CNBD1: variants seen among roughly 807,000 people sequenced by gnomAD.
The protein encoded by CNBD1 is cyclic nucleotide binding domain containing 1, also known as cyclic nucleotide-binding domain-containing protein 1.
A neutral mutation model predicts 54.4 loss-of-function variants in CNBD1; 71 were observed. That is an observed-to-expected ratio of 1.30 (90% CI 1.08 to 1.59). The LOEUF (loss-of-function observed/expected upper bound fraction) is 1.59, where lower values mean the gene tolerates loss of function less well. Ranked by LOEUF, CNBD1 falls within the 40% of genes most tolerant of loss-of-function variation. The pLI is 0.00. For missense variants in CNBD1, 659 were observed against 518.0 expected (o/e 1.27, Z -2.64); for synonymous variants, 182 against 170.7 (o/e 1.07, Z -0.51).
At chr8:87,211,625 C>T (rs1175989195) in intron 5 of CNBD1, among the ~76,000 whole-genome samples, 1 of 152,158 alleles carries the variant, frequency 6.6e-6, no homozygotes, top group South Asian at 2.1e-4. Context: ...CTTATTCTCT[C>T]TCCTGCTCCT....
chr8:87,068,314 T>C (rs1201690432), intron 4 of CNBD1, among the ~76,000 whole-genome samples: 2 of 152,076 alleles, frequency 1.3e-5, no homozygotes, highest in Admixed American at 1.3e-4. Flanking sequence ...TTAGGTAATA[T>C]ATAATTACAA....
chr8:87,075,766 A>C (rs539346487), intron 4 of CNBD1, among the ~76,000 whole-genome samples: 2 of 152,206 alleles, frequency 1.3e-5, no homozygotes, highest in Admixed American at 6.5e-5. Context: ...TAAAATGTAC[A>C]TGGGTGTTTG....
intron 4 of CNBD1, among the ~76,000 whole-genome samples, chr8:87,026,644 ATTTTC>A (rs1370271888): frequency 2.6e-5 from 4 of 152,244 alleles, no homozygotes; most frequent in African/African-American, 4.8e-5. Context: ...CTCTAAAAAA[ATTTTC>A]TTTTCTTTAT....
At chr8:87,044,297 C>T (rs138177728) in intron 4 of CNBD1, among the ~76,000 whole-genome samples, 67 of 151,526 alleles carry the variant, frequency 4.4e-4, no homozygotes, top group African/African-American at 1.6e-3. Flanking sequence ...TGTCAGATTC[C>T]ACAAAATCTG....
chr8:87,045,702 GCGA>G (rs1810168230), intron 4 of CNBD1, among the ~76,000 whole-genome samples: 1 of 143,342 alleles, frequency 7.0e-6, no homozygotes. Flanking sequence ...TCCAGCCTGG[GCGA>G]CAGAGCAAGA....
chr8:87,217,906 T>G (rs980178311), intron 5 of CNBD1, among the ~76,000 whole-genome samples: 14 of 152,130 alleles, frequency 9.2e-5, no homozygotes, highest in African/African-American at 3.1e-4. Context: ...TAAAAGACCT[T>G]TCTGAGATTT....
At chr8:87,407,538 T>A (rs1319733126) in intron 2 of CNBD1, among the ~76,000 whole-genome samples, 3 of 152,024 alleles carry the variant, frequency 2.0e-5, no homozygotes, top group African/African-American at 4.8e-5. Flanking sequence ...AGATTATAAT[T>A]AATATATATA....
chr8:87,263,889 T>A (rs1299688594), intron 6 of CNBD1, among the ~76,000 whole-genome samples: 1 of 152,164 alleles, frequency 6.6e-6, no homozygotes, highest in Non-Finnish European at 1.5e-5. Context: ...TACTATAATT[T>A]TTAAGGTACT....
At chr8:86,876,629 A>G (rs1296624555) in intron 1 of CNBD1, among the ~76,000 whole-genome samples, 1 of 150,936 alleles carries the variant, frequency 6.6e-6, no homozygotes, top group East Asian at 1.9e-4. Flanking sequence ...CTTGAGTTAA[A>G]AGCTAATTTT....
At chr8:87,223,591 A>G (rs970974527) in intron 5 of CNBD1, among the ~76,000 whole-genome samples, 1 of 152,202 alleles carries the variant, frequency 6.6e-6, no homozygotes, top group Non-Finnish European at 1.5e-5. Flanking sequence ...TTATGGCTAC[A>G]TAGTGTTCCA....
At chr8:87,319,124 C>A (rs577628403) in intron 8 of CNBD1, among the ~76,000 whole-genome samples, 1 of 152,126 alleles carries the variant, frequency 6.6e-6, no homozygotes, top group East Asian at 1.9e-4. Flanking sequence ...AGTGGCCCCT[C>A]AATGCTGAGA....
chr8:87,016,891 A>G (rs1173277273), intron 4 of CNBD1, among the ~76,000 whole-genome samples: 2 of 152,206 alleles, frequency 1.3e-5, no homozygotes, highest in African/African-American at 4.8e-5. Context: ...AGCAGTTGAC[A>G]TGTTTCATAT....
chr8:87,330,958 G>A (rs1222858711), intron 8 of CNBD1, among the ~76,000 whole-genome samples: 1 of 152,116 alleles, frequency 6.6e-6, no homozygotes, highest in Non-Finnish European at 1.5e-5. Flanking sequence ...GACAATGTCT[G>A]TCTTTTAATT....
chr8:87,390,427 G>A (rs1485414922), intron 2 of CNBD1, among the ~76,000 whole-genome samples: 2 of 152,070 alleles, frequency 1.3e-5, no homozygotes, highest in East Asian at 1.9e-4. Context: ...AAAAGTGGGT[G>A]AAGGATATGA....
chr8:87,194,240 G>A (rs558623225), intron 4 of CNBD1, among the ~76,000 whole-genome samples: 1 of 152,260 alleles, frequency 6.6e-6, no homozygotes, highest in Non-Finnish European at 1.5e-5. Context: ...TGTTTTGAAA[G>A]AAGAAGAAAC....
chr8:86,875,018 A>ATATG (rs1554626904), intron 1 of CNBD1, among the ~76,000 whole-genome samples: 2 of 139,130 alleles, frequency 1.4e-5, no homozygotes, highest in African/African-American at 2.7e-5. Context: ...ATATATATAT[A>ATATG]TATGTATTAA....
chr8:86,905,335 A>C (rs1019927943), intron 3 of CNBD1, 141 bp downstream of exon 3: 4 of 517,230 alleles, frequency 7.7e-6, no homozygotes, highest in African/African-American at 7.7e-5. Flanking sequence ...GCAGCCAAGG[A>C]AACAGAAATT....
At position 87,182,735 on chromosome 8, in the gene CNBD1, G is replaced by A. The variant is rs1813385065; in HGVS notation, c.432-23258G>A. ...TCATGTCTTCTGCCCATTTTTAAAT[G>A]GGGTTGTTTGCTTTTGCTTGTTGAA... On this transcript the variant is annotated intron_variant, in intron 4 of 10. Coordinates refer to ENST00000518476, the MANE Select transcript of CNBD1 (RefSeq NM_173538.3). The surrounding 1 kb of genome is among the most constrained non-coding windows in gnomAD (Gnocchi z 4.1). Among the ~76,000 whole-genome samples, 1 of 152,058 alleles carries A rather than the reference G, an allele frequency of 6.6e-6. No individual in the cohort carries two copies. The highest frequency in any genetic ancestry group is 2.4e-5 in the African/African-American group (1 of 41,394).
intron 6 of CNBD1, among the ~76,000 whole-genome samples, chr8:87,241,023 C>T (rs1807688995): frequency 6.6e-6 from 1 of 152,068 alleles, no homozygotes; most frequent in African/African-American, 2.4e-5. Flanking sequence ...CACTAAATTG[C>T]TGTGTCCTCA....
Sources: gnomAD v4.1 joint callset for allele counts (sites outside exome capture counted in the v4.1 genomes callset) on GRCh38, gnomAD v4.1.1 for gene constraint, Gnocchi (gnomAD v3.1) non-coding constraint, MANE v1.5 for transcripts, NCBI Gene and HGNC (gene_info 2026-07-23, HGNC 2026-07-21) for gene names.